Variants in PDE4D observed in about 807,000 individuals in gnomAD.
PDE4D encodes 3',5'-cyclic-AMP phosphodiesterase 4D.
Under a neutral mutation model 87.4 loss-of-function variants are expected in PDE4D, and 24 were observed. The ratio of observed to expected loss-of-function variants is 0.27; its 90% confidence interval spans 0.20 to 0.39. The LOEUF (loss-of-function observed/expected upper bound fraction) is 0.39, where lower values mean the gene tolerates loss of function less well. PDE4D is among the 10% of genes least tolerant of loss of function. PDE4D has a pLI of 1.00. For synonymous variants in PDE4D, 384 were observed against 383.2 expected, an observed-to-expected ratio of 1.00 and a Z score of -0.02; for missense variants, 714 against 1,041.0, an observed-to-expected ratio of 0.69 and a Z score of 4.32.
At chr5:59,797,695 G>A (rs1314614658) in intron 1 of PDE4D, among the ~76,000 whole-genome samples, 3 of 152,018 alleles carry the variant, frequency 2.0e-5, no homozygotes, top group African/African-American at 7.3e-5. Context: ...CAGGCACCCC[G>A]ATCTCACACT....
At chr5:59,993,639 T>C (rs1163556549) in intron 2 of PDE4D, among the ~76,000 whole-genome samples, 1 of 152,162 alleles carries the variant, frequency 6.6e-6, no homozygotes, top group Non-Finnish European at 1.5e-5. Context: ...CTGTGCAATA[T>C]TGGTAATAAT....
Position 59,373,569 on chromosome 5 carries a change from G to A in PDE4D, c.456-157601C>T, listed in dbSNP as rs189577013. 7.9e-4 allele frequency among the ~76,000 whole-genome samples: 120 copies of A among 152,252 alleles called. 1 individual carries two copies. The highest frequency in any genetic ancestry group is 7.1e-3 in the South Asian group (34 of 4,820). On this transcript the variant is annotated intron_variant, in intron 1 of 14. Transcript: ENST00000340635. ...GAATCTACGACTCATTGGTGTCCCT[G>A]AAATACATGAGGAGAATGAAGCCAA...
At chr5:59,408,233 T>C (rs1432958736) in intron 1 of PDE4D, among the ~76,000 whole-genome samples, 1 of 152,216 alleles carries the variant, frequency 6.6e-6, no homozygotes, top group African/African-American at 2.4e-5. Flanking sequence ...TGCATCATGG[T>C]CCATCCAGTC....
At chr5:59,496,120 G>A (rs1387473705) in intron 1 of PDE4D, among the ~76,000 whole-genome samples, 2 of 152,060 alleles carry the variant, frequency 1.3e-5, no homozygotes, top group Non-Finnish European at 2.9e-5. Flanking sequence ...GAAGGGAGAT[G>A]GTTTCCCCCT....
intron 1 of PDE4D, among the ~76,000 whole-genome samples, chr5:59,732,164 A>G (rs1757448640): frequency 6.6e-6 from 1 of 152,098 alleles, no homozygotes; most frequent in South Asian, 2.1e-4. Flanking sequence ...TTATTTAATC[A>G]TATCTAACCA....
At chr5:59,787,788 T>C (rs79827275) in intron 1 of PDE4D, among the ~76,000 whole-genome samples, 2,063 of 152,326 alleles carry the variant, frequency 0.014, 48 homozygotes, top group African/African-American at 0.047. Flanking sequence ...TTTGTATGTC[T>C]TTTATATAGG....
At chr5:59,875,333 C>T (rs111691907) in intron 1 of PDE4D, among the ~76,000 whole-genome samples, 28,107 of 151,490 alleles carry the variant, frequency 0.19, 4,851 homozygotes, top group African/African-American at 0.46. Context: ...TGATGGCACT[C>T]GCCTGTAGTC....
At chr5:59,695,286 C>A (rs2150422694) in intron 1 of PDE4D, among the ~76,000 whole-genome samples, 1 of 151,374 alleles carries the variant, frequency 6.6e-6, no homozygotes, top group East Asian at 2.0e-4. Context: ...CCCTCATTTA[C>A]AAGGGCCCCT....
At chr5:59,505,550 T>C (rs897656446) in intron 1 of PDE4D, among the ~76,000 whole-genome samples, 1 of 152,204 alleles carries the variant, frequency 6.6e-6, no homozygotes, top group Non-Finnish European at 1.5e-5. Context: ...CATAGCACAA[T>C]AGCTGTTTAA....
chr5:59,421,735 T>C (rs1030484560), intron 1 of PDE4D, among the ~76,000 whole-genome samples: 3 of 152,076 alleles, frequency 2.0e-5, no homozygotes, highest in African/African-American at 7.2e-5. Flanking sequence ...GAGATGTACA[T>C]TTGGAAGTTG....
intron 2 of PDE4D, among the ~76,000 whole-genome samples, chr5:59,996,759 A>C (rs895044949): frequency 2.6e-5 from 4 of 152,210 alleles, no homozygotes; most frequent in Admixed American, 2.6e-4. Context: ...GTATCGACTT[A>C]ACACAATCAA....
chr5:59,041,509 G>C (rs1759681634), intron 5 of PDE4D, among the ~76,000 whole-genome samples: 1 of 152,180 alleles, frequency 6.6e-6, no homozygotes, highest in Non-Finnish European at 1.5e-5. Context: ...AGAGGACATT[G>C]ACTTGTTTTA....
intron 1 of PDE4D, among the ~76,000 whole-genome samples, chr5:60,230,786 T>A (rs1477946135): frequency 6.6e-6 from 1 of 152,100 alleles, no homozygotes; most frequent in African/African-American, 2.4e-5. Flanking sequence ...ATTGAGGAGT[T>A]TTCTAAAATC....
chr5:58,984,777 C>T (rs556297883), intron 11 of PDE4D, among the ~76,000 whole-genome samples: 2 of 152,188 alleles, frequency 1.3e-5, no homozygotes, highest in Non-Finnish European at 2.9e-5. Context: ...AAAAATAATT[C>T]ATTTGCCAAG....
chr5:60,032,411 T>G (rs1052248403), intron 2 of PDE4D, among the ~76,000 whole-genome samples: 10 of 152,222 alleles, frequency 6.6e-5, no homozygotes, highest in Admixed American at 2.6e-4. Context: ...CTTTGTTAAC[T>G]TCTCTCTTTG....
chr5:59,158,009 C>T (rs1780503827), intron 5 of PDE4D, among the ~76,000 whole-genome samples: 1 of 152,150 alleles, frequency 6.6e-6, no homozygotes, highest in Admixed American at 6.5e-5. Flanking sequence ...TTGGGCTCTT[C>T]TAACTCAAAA....
intron 2 of PDE4D, among the ~76,000 whole-genome samples, chr5:60,034,974 A>C (rs186736151): frequency 1.9e-4 from 29 of 152,254 alleles, no homozygotes; most frequent in African/African-American, 7.0e-4. Flanking sequence ...ATGTGCATGC[A>C]GCAGGGTGCG....
chr5:59,128,456 C>T (rs549050760), intron 5 of PDE4D, among the ~76,000 whole-genome samples: 4 of 152,230 alleles, frequency 2.6e-5, no homozygotes, highest in African/African-American at 9.6e-5. Flanking sequence ...ACATACTAAA[C>T]CCAGTATGCA....
chr5:59,986,238 TAG>T (rs1762451538), intron 3 of PDE4D, among the ~76,000 whole-genome samples: 1 of 152,180 alleles, frequency 6.6e-6, no homozygotes, highest in Non-Finnish European at 1.5e-5. Context: ...GTGTTTTTGA[TAG>T]AGACAAGGTC....
Sources: allele counts gnomAD v4.1 joint callset (sites outside exome capture counted in the v4.1 genomes callset), GRCh38; gene constraint gnomAD v4.1.1; transcripts MANE v1.5; gene names NCBI Gene and HGNC (gene_info 2026-07-23, HGNC 2026-07-21).